The following CTNND2 variants were observed in gnomAD, a reference collection of about 807,000 sequenced individuals.
CTNND2 encodes catenin delta 2.
In CTNND2, 22 loss-of-function variants were observed where a neutral mutation model predicts 144.4. The ratio of observed to expected loss-of-function variants is 0.15; its 90% CI spans 0.11 to 0.22. The LOEUF is 0.22. CTNND2 is among the 10% of genes least tolerant of loss of function. The probability of loss-of-function intolerance (pLI) is 1.00; values close to 1 mark genes in which losing one functional copy is unlikely to be tolerated. For missense variants in CTNND2, 1,353 were observed against 1,618.8 expected (o/e 0.84, Z 2.82); for synonymous variants, 751 against 695.6 (o/e 1.08, Z -1.25).
chr5:11,222,003 G>T (rs573020907), intron 10 of CTNND2, among the ~76,000 whole-genome samples: 5 of 152,188 alleles, frequency 3.3e-5, no homozygotes, highest in African/African-American at 4.8e-5. Context: ...TCTAAACGAT[G>T]ACATATCAGA....
At chr5:11,380,959 A>T (rs1482469006) in intron 7 of CTNND2, among the ~76,000 whole-genome samples, 1 of 152,136 alleles carries the variant, frequency 6.6e-6, no homozygotes, top group African/African-American at 2.4e-5. Context: ...AGATCTTAGC[A>T]TTTACCAGAA....
At chr5:11,226,744 A>G (rs2149876780) in intron 10 of CTNND2, among the ~76,000 whole-genome samples, 1 of 152,320 alleles carries the variant, frequency 6.6e-6, no homozygotes, top group African/African-American at 2.4e-5. Flanking sequence ...GGGAACTACA[A>G]TTCGAGATTT....
intron 8 of CTNND2, among the ~76,000 whole-genome samples, chr5:11,347,850 A>G (rs145218666): frequency 6.6e-6 from 1 of 152,322 alleles, no homozygotes; most frequent in East Asian, 1.9e-4. Context: ...CACAAAGGAC[A>G]TTATGTCATG....
chr5:11,226,742 C>T (rs1330109712), intron 10 of CTNND2, among the ~76,000 whole-genome samples: 1 of 152,184 alleles, frequency 6.6e-6, no homozygotes, highest in Non-Finnish European at 1.5e-5. Flanking sequence ...ATGGGAACTA[C>T]AATTCGAGAT....
At chr5:11,688,536 A>T (rs958488382) in intron 2 of CTNND2, among the ~76,000 whole-genome samples, 1 of 152,216 alleles carries the variant, frequency 6.6e-6, no homozygotes, top group Admixed American at 6.5e-5. Context: ...TATTTTGCTA[A>T]GATTCTTTCA....
chr5:11,350,891 C>T (rs903253048), intron 8 of CTNND2, among the ~76,000 whole-genome samples: 15 of 152,032 alleles, frequency 9.9e-5, no homozygotes, highest in African/African-American at 3.6e-4. Context: ...CATTAAAGAT[C>T]TAATATGTAG....
At chr5:11,573,613 A>G (rs1375969699) in intron 2 of CTNND2, among the ~76,000 whole-genome samples, 1 of 152,178 alleles carries the variant, frequency 6.6e-6, no homozygotes, top group Non-Finnish European at 1.5e-5. Context: ...TGTACACCTC[A>G]TTGGTGAGTC....
At chr5:11,463,960 G>A (rs1305763898) in intron 3 of CTNND2, among the ~76,000 whole-genome samples, 1 of 152,102 alleles carries the variant, frequency 6.6e-6, no homozygotes, top group African/African-American at 2.4e-5. Flanking sequence ...GCCAAAATAA[G>A]TGTTAGTTTC....
chr5:11,802,932 T>C (rs1413732831), intron 1 of CTNND2, among the ~76,000 whole-genome samples: 1 of 152,208 alleles, frequency 6.6e-6, no homozygotes, highest in Non-Finnish European at 1.5e-5. Context: ...GACTCTGACA[T>C]ATTTCAAGAC....
chr5:11,065,686 A>G (rs1747492483), intron 16 of CTNND2, among the ~76,000 whole-genome samples: 1 of 152,150 alleles, frequency 6.6e-6, no homozygotes, highest in African/African-American at 2.4e-5. Context: ...CAAACCATAA[A>G]TTCTCATCAG....
At chr5:11,223,890 T>C (rs999778763) in intron 10 of CTNND2, among the ~76,000 whole-genome samples, 6 of 152,112 alleles carry the variant, frequency 3.9e-5, no homozygotes, top group Non-Finnish European at 8.8e-5. Context: ...GCAGTGGAGA[T>C]AGGAGGGTAG....
rs192987951 is a variant in CTNND2 at position 11,165,887 on chromosome 5, C to T, written c.1976-6128G>A. On this transcript the variant is annotated intron_variant, in intron 11 of 21. Coordinates refer to ENST00000304623, the MANE Select transcript of CTNND2 (RefSeq NM_001332.4). The stretch of plus-strand genomic sequence containing the variant: ...GAAGACTATCTTGGTTAAAAAAACC[C>T]CAGATGAACAAAAAGAATGTTTTAA... Among the ~76,000 whole-genome samples, 24 of 152,050 alleles carry T rather than the reference C, an allele frequency of 1.6e-4. No homozygotes were observed. In the East Asian group the frequency reaches 4.5e-3, roughly 28 times the overall value.
At chr5:11,505,137 G>C (rs1770897472) in intron 3 of CTNND2, among the ~76,000 whole-genome samples, 1 of 151,650 alleles carries the variant, frequency 6.6e-6, no homozygotes, top group African/African-American at 2.4e-5. Context: ...GTTTTGGAAA[G>C]GCACTATCAA....
In CTNND2 at chr5:11,903,478, A is replaced by C; in HGVS notation, c.37+339T>G. ...TATTAGGGACGTCATGAATGCACCG[A>C]GTATGTTCTCAGGGTGGCGGGGAGC... On this transcript the variant is annotated intron_variant, in intron 1 of 21. Transcript: ENST00000304623. This position sits in a 1 kb window ranked among gnomAD's most constrained non-coding sequence, Gnocchi z 5.4. The C allele has an allele frequency of 4.5e-6, 3 of 663,406 alleles. No homozygotes were observed. Among genetic ancestry groups the C allele is most frequent in the Non-Finnish European group, 3.9e-6 (2 of 509,794 alleles). 41.1% of individuals were successfully genotyped at this position (663,406 alleles called of 1,614,324 possible). A position where few individuals can be genotyped will look rare whatever the true frequency, so the allele number is the denominator to read the frequency against.
intron 1 of CTNND2, among the ~76,000 whole-genome samples, chr5:11,811,138 A>G (rs6866819): frequency 0.81 from 122,620 of 152,102 alleles, 53,623 homozygotes; most frequent in Non-Finnish European, 0.97. Flanking sequence ...TCTGTGAAAG[A>G]TGCTGAGGAA....
At chr5:11,054,105 C>G (rs190825928) in intron 16 of CTNND2, among the ~76,000 whole-genome samples, 18 of 152,210 alleles carry the variant, frequency 1.2e-4, no homozygotes, top group African/African-American at 4.1e-4. Context: ...TGCTGAAAAA[C>G]CTTTGCTTGG....
chr5:10,979,760 A>T (rs1256198630), intron 21 of CTNND2, among the ~76,000 whole-genome samples: 8 of 152,168 alleles, frequency 5.3e-5, no homozygotes, highest in Non-Finnish European at 7.3e-5. Context: ...CACATCTACA[A>T]CCATCTGATC....
At chr5:10,993,405 C>T (rs1307638041) in intron 18 of CTNND2, among the ~76,000 whole-genome samples, 3 of 152,192 alleles carry the variant, frequency 2.0e-5, no homozygotes, top group African/African-American at 7.2e-5. Flanking sequence ...ATTCCACCCT[C>T]TCCACCTGAG....
At chr5:11,087,923 G>A (rs956385639) in intron 15 of CTNND2, among the ~76,000 whole-genome samples, 1 of 152,148 alleles carries the variant, frequency 6.6e-6, no homozygotes, top group South Asian at 2.1e-4. Context: ...AACAAACAAA[G>A]AAGGTCAAGC....
Sources: allele counts gnomAD v4.1 joint callset (sites outside exome capture counted in the v4.1 genomes callset), GRCh38; gene constraint gnomAD v4.1.1; non-coding constraint Gnocchi (gnomAD v3.1); transcripts MANE v1.5; gene names NCBI Gene and HGNC (gene_info 2026-07-23, HGNC 2026-07-21).